Variants in TOX observed in about 807,000 individuals in gnomAD.
The protein encoded by TOX is thymocyte selection-associated high mobility group box protein TOX.
In TOX, 11 loss-of-function variants were observed where a neutral mutation model predicts 53.7. That is an observed-to-expected ratio of 0.20 (90% confidence interval 0.13 to 0.34). TOX has a LOEUF of 0.34. Ranked by LOEUF, TOX falls within the 10% of genes least tolerant of loss-of-function variation. The probability of loss-of-function intolerance (pLI) is 1.00; values close to 1 mark genes in which losing one functional copy is unlikely to be tolerated. For synonymous variants in TOX, 225 were observed against 245.3 expected (o/e 0.92, Z 0.77); for missense variants, 570 against 664.6 (o/e 0.86, Z 1.56).
At chr8:59,112,533 G>A (rs1276770139) in intron 1 of TOX, among the ~76,000 whole-genome samples, 1 of 152,156 alleles carries the variant, frequency 6.6e-6, no homozygotes, top group Non-Finnish European at 1.5e-5. Flanking sequence ...TTATCAATCA[G>A]GGGAGACCAG....
intron 4 of TOX, among the ~76,000 whole-genome samples, chr8:58,839,250 GA>G (rs1392124474): frequency 6.6e-6 from 1 of 152,200 alleles, no homozygotes; most frequent in Admixed American, 6.5e-5. Context: ...TAAAGCTAGT[GA>G]GCATTTGAAA....
chr8:59,089,500 T>C (rs1181806013), intron 1 of TOX, among the ~76,000 whole-genome samples: 1 of 152,216 alleles, frequency 6.6e-6, no homozygotes, highest in Non-Finnish European at 1.5e-5. Context: ...ACTTCTCAGA[T>C]TAAGTGACTA....
intron 1 of TOX, among the ~76,000 whole-genome samples, chr8:58,983,245 G>T (rs894669710): frequency 1.1e-4 from 16 of 152,038 alleles, no homozygotes; most frequent in Admixed American, 4.6e-4. Flanking sequence ...TAGAATGGTG[G>T]TTTCCACACA....
At chr8:58,873,768 A>G (rs1255305194) in intron 3 of TOX, among the ~76,000 whole-genome samples, 1 of 151,994 alleles carries the variant, frequency 6.6e-6, no homozygotes, top group Non-Finnish European at 1.5e-5. Flanking sequence ...GAAGATGGTT[A>G]GTAGAATATC....
intron 3 of TOX, among the ~76,000 whole-genome samples, chr8:58,902,111 A>C (rs1381191789): frequency 1.3e-5 from 2 of 152,138 alleles, no homozygotes; most frequent in Non-Finnish European, 2.9e-5. Context: ...ATCTCAGTGC[A>C]TTAAAATATA....
intron 3 of TOX, among the ~76,000 whole-genome samples, chr8:58,873,181 C>G (rs1258856600): frequency 6.6e-6 from 1 of 152,008 alleles, no homozygotes; most frequent in Non-Finnish European, 1.5e-5. Context: ...CTGATTAAAC[C>G]TGCATGCATA....
intron 5 of TOX, among the ~76,000 whole-genome samples, chr8:58,833,676 G>C (rs1209452509): frequency 1.3e-5 from 2 of 152,184 alleles, no homozygotes; most frequent in Non-Finnish European, 2.9e-5. Context: ...TTCTCCATCT[G>C]GTGCATTTTA....
chr8:58,953,852 A>T (rs7002226), intron 2 of TOX, among the ~76,000 whole-genome samples: 45,468 of 151,456 alleles, frequency 0.3, 7,163 homozygotes, highest in East Asian at 0.4. Flanking sequence ...GGCCCACAGT[A>T]AAGATACCTT....
In TOX at chr8:58,826,803, T is replaced by A. The variant is rs552235988; in HGVS notation, c.1005+19A>T. Reference sequence around the variant, plus strand: ...GAGATGGCCACAATCCTTCACAATATCACACAACTGCACGTTACCTTGGAT... The same window carrying A: ...GAGATGGCCACAATCCTTCACAATAACACACAACTGCACGTTACCTTGGAT... On this transcript the variant is annotated intron_variant, in intron 6 of 8. Transcript: ENST00000361421. 4.4e-6 allele frequency: 7 copies of A among 1,592,352 alleles called. No homozygotes were observed. In the African/African-American group the frequency reaches 6.8e-5, roughly 15 times the overall value.
intron 3 of TOX, among the ~76,000 whole-genome samples, chr8:58,931,595 C>A (rs1037276395): frequency 5.3e-5 from 8 of 152,138 alleles, no homozygotes; most frequent in African/African-American, 1.9e-4. Flanking sequence ...TCTCTTACTG[C>A]AATTTAACTT....
At chr8:59,061,823 G>T (rs967875988) in intron 1 of TOX, among the ~76,000 whole-genome samples, 1 of 152,000 alleles carries the variant, frequency 6.6e-6, no homozygotes, top group Non-Finnish European at 1.5e-5. Flanking sequence ...CAAAATCCAC[G>T]TGCGCCCATG....
chr8:58,831,880 A>G (rs941575514), intron 5 of TOX, among the ~76,000 whole-genome samples: 1 of 152,146 alleles, frequency 6.6e-6, no homozygotes, highest in Non-Finnish European at 1.5e-5. Context: ...GTGGACTGAT[A>G]TACAGGTATA....
intron 1 of TOX, among the ~76,000 whole-genome samples, chr8:59,092,267 A>ATATATACATTATATACAT: frequency 1.1e-5 from 1 of 89,226 alleles, no homozygotes; most frequent in East Asian, 3.3e-4. Context: ...TATATATTTT[A>ATATATACATTATATACAT]TATATATATA....
rs535289517 is a variant in TOX, at chr8:58,838,283, G to C, written c.722C>G (p.Ser241Cys). ...KINGGEKRPA[S>C]DMGKKPKTPK... ...AGTTTTTGGTTTTTTCCCCATATCA[G>C]AGGCAGGCCGCTTCTCTCCACCATT... Residue 241 changes from serine (S) to cysteine (C), a missense_variant, in exon 5 of 9, where the codon TCT (serine) becomes TGT (cysteine). Ser to Cys is a moderately radical substitution (Grantham distance 112). Around this residue, in one of 3 missense-constraint regions of TOX, gnomAD observed 282 missense variants for 315.0 expected, o/e 0.90. Coordinates refer to ENST00000361421, the MANE Select transcript of TOX (RefSeq NM_014729.3). 3 of 1,613,734 alleles carry C rather than the reference G, an allele frequency of 1.9e-6. No homozygotes were observed. Among genetic ancestry groups the C allele is most frequent in the East Asian group, 2.2e-5 (1 of 44,882 alleles).
Position 58,815,803 on chromosome 8 carries a change from T to C in TOX, c.1006-79A>G, listed in dbSNP as rs902800008. ...CAAGGTATGACGCTTTGTGAGTTTA[T>C]TAAAGCACCTTCCCTGGAATCCATA... On this transcript the variant is annotated intron_variant, in intron 6 of 8. Transcript: ENST00000361421. 11 of 1,459,084 alleles carry C rather than the reference T, an allele frequency of 7.5e-6. No individual in the cohort carries two copies. The African/African-American group carries it at 1.6e-4, about 21-fold the overall frequency. 90.4% of individuals were successfully genotyped at this position (1,459,084 alleles called of 1,614,324 possible).
chr8:58,901,780 T>C (rs1245686945), intron 3 of TOX, among the ~76,000 whole-genome samples: 1 of 152,104 alleles, frequency 6.6e-6, no homozygotes, highest in Admixed American at 6.6e-5. Context: ...TAGATCAGGA[T>C]GGTTTATAAA....
chr8:58,877,685 C>T (rs1005099550), intron 3 of TOX, among the ~76,000 whole-genome samples: 2 of 152,166 alleles, frequency 1.3e-5, no homozygotes, highest in African/African-American at 4.8e-5. Flanking sequence ...ACTTGTACTT[C>T]ACAAAACAAA....
At chr8:59,092,425 A>G (rs376879318) in intron 1 of TOX, among the ~76,000 whole-genome samples, 246 of 147,254 alleles carry the variant, frequency 1.7e-3, no homozygotes, top group African/African-American at 6.1e-3. Flanking sequence ...TCAGTCTGAT[A>G]GATTCCTAAT....
intron 1 of TOX, among the ~76,000 whole-genome samples, chr8:59,011,566 T>C (rs1006111137): frequency 8.3e-6 from 1 of 120,308 alleles, no homozygotes; most frequent in Admixed American, 8.9e-5. Context: ...ATATTTGTTC[T>C]TCCTATCTTT....
Sources: gnomAD v4.1 joint callset for allele counts (sites outside exome capture counted in the v4.1 genomes callset) on GRCh38, gnomAD v4.1.1 for gene constraint, gnomAD v4.1.1 regional missense constraint, MANE v1.5 for transcripts, NCBI Gene and HGNC (gene_info 2026-07-23, HGNC 2026-07-21) for gene names.